RPS6KA5: variants seen among roughly 807,000 people sequenced by gnomAD.
RPS6KA5 encodes ribosomal protein S6 kinase alpha-5.
In RPS6KA5, 27 loss-of-function variants were observed where a neutral mutation model predicts 85.5. The ratio of observed to expected loss-of-function variants is 0.32; its 90% confidence interval spans 0.23 to 0.44. The LOEUF (loss-of-function observed/expected upper bound fraction) is 0.44. RPS6KA5 is among the 20% of genes least tolerant of loss of function. The pLI is 1.00. For missense variants in RPS6KA5, 811 were observed against 980.9 expected, an observed-to-expected ratio of 0.83 and a Z score of 2.31; for synonymous variants, 334 against 348.2, an observed-to-expected ratio of 0.96 and a Z score of 0.46.
At position 90,857,595 on chromosome 14, in the gene RPS6KA5, A is replaced by C. The variant is rs1214987541; in HGVS notation, c.*14479T>G. 2 of 152,226 alleles carry C rather than the reference A, an allele frequency of 1.3e-5. No individual in the cohort carries two copies. The highest frequency in any genetic ancestry group is 4.8e-5 in the African/African-American group (2 of 41,460). The allele number at this position is 152,226 out of a possible 1,614,324, so 9.4% of individuals were successfully genotyped here. ...TCATAGTTAGGGAATTGGGCTTGCA[A>C]AAGGTAGGCCAAATATTGATGTAGT... On this transcript the variant is annotated 3_prime_UTR_variant, in exon 17 of 17. Coordinates refer to ENST00000614987, the MANE Select transcript of RPS6KA5 (RefSeq NM_004755.4).
At position 90,880,724 on chromosome 14, in the gene RPS6KA5, C is replaced by A. The variant is rs186897132; in HGVS notation, c.1837-5364G>T. On this transcript the variant is annotated intron_variant, in intron 14 of 16. Coordinates refer to ENST00000614987, the MANE Select transcript of RPS6KA5 (RefSeq NM_004755.4). The stretch of plus-strand genomic sequence containing the variant: ...GTCAGTTTTTGCTTCATGTACTTTA[C>A]TGGTCTACATTAGGTGTACAAGTGT... Among the ~76,000 whole-genome samples, 159 of 152,120 alleles carry A rather than the reference C, an allele frequency of 1.0e-3. 2 individuals carry two copies. The highest frequency in any genetic ancestry group is 4.2e-3 in the Admixed American group (64 of 15,278).
Position 90,869,683 on chromosome 14 carries a change from A to T in RPS6KA5, c.*2391T>A, listed in dbSNP as rs1420496202. 2 of 152,164 alleles carry T rather than the reference A, an allele frequency of 1.3e-5. No individual in the cohort carries two copies. Among genetic ancestry groups the T allele is most frequent in the African/African-American group, 4.8e-5 (2 of 41,446 alleles). 9.4% of individuals were successfully genotyped at this position (152,164 alleles called of 1,614,324 possible). A position where few individuals can be genotyped will look rare whatever the true frequency, so the allele number is the denominator to read the frequency against. On this transcript the variant is annotated 3_prime_UTR_variant, in exon 17 of 17. Coordinates refer to ENST00000614987, the MANE Select transcript of RPS6KA5 (RefSeq NM_004755.4). ...ACTTTTTATATATTTTGTAGTGTTT[A>T]TTTTTGATGTGACCAAATGAAAGCT...
At position 90,958,672 on chromosome 14, in the gene RPS6KA5, T is replaced by C. The variant is rs1057224084; in HGVS notation, c.395-11122A>G. ...TATTCAACAGATATCTGAGCTCTTA[T>C]TATGCATCAGCCTCTCTTCTAGGCA... On this transcript the variant is annotated intron_variant, in intron 3 of 16. Coordinates refer to ENST00000614987, the MANE Select transcript of RPS6KA5 (RefSeq NM_004755.4). Among the ~76,000 whole-genome samples the C allele has an allele frequency of 1.1e-4, 16 of 152,304 alleles. 1 individual carries two copies. Among genetic ancestry groups the C allele is most frequent in the Non-Finnish European group, 1.6e-4 (11 of 68,020 alleles).
intron 1 of RPS6KA5, among the ~76,000 whole-genome samples, chr14:91,003,361 G>C (rs2040868107): frequency 6.6e-6 from 1 of 152,112 alleles, no homozygotes. Context: ...GAAATTAAAA[G>C]AGGTTATAAA....
chr14:90,877,139 T>A (rs574830486), intron 14 of RPS6KA5, among the ~76,000 whole-genome samples: 1 of 152,274 alleles, frequency 6.6e-6, no homozygotes, highest in South Asian at 2.1e-4. Context: ...CTAGAAGGCT[T>A]TGGACAAGTT....
chr14:90,930,211 G>A (rs1357067510), intron 5 of RPS6KA5, among the ~76,000 whole-genome samples: 2 of 152,140 alleles, frequency 1.3e-5, no homozygotes, highest in African/African-American at 2.4e-5. Context: ...GATACAGAGC[G>A]AGGCAAACAG....
chr14:90,938,988 T>G (rs570800643), intron 5 of RPS6KA5, among the ~76,000 whole-genome samples: 1 of 152,260 alleles, frequency 6.6e-6, no homozygotes, highest in Non-Finnish European at 1.5e-5. Context: ...TCTTTTCTAG[T>G]GCATTGTCAG....
rs2033023559 is a variant in RPS6KA5 at position 90,870,407 on chromosome 14, A to G, written c.*1667T>C. The G allele has an allele frequency of 6.6e-6, 1 of 152,216 alleles. No individual in the cohort carries two copies. Among genetic ancestry groups the G allele is most frequent in the African/African-American group, 2.4e-5 (1 of 41,472 alleles). 9.4% of individuals were successfully genotyped at this position (152,216 alleles called of 1,614,324 possible). A position where few individuals can be genotyped will look rare whatever the true frequency, so the allele number is the denominator to read the frequency against. The stretch of plus-strand genomic sequence containing the variant: ...CATTTGGGCCAGCAAAAAGTGTAAA[A>G]TATTATTCCCAATAACCACTGTGGA... On this transcript the variant is annotated 3_prime_UTR_variant, in exon 17 of 17. Coordinates refer to ENST00000614987, the MANE Select transcript of RPS6KA5 (RefSeq NM_004755.4).
At chr14:90,949,783 T>C (rs1000466315) in intron 3 of RPS6KA5, among the ~76,000 whole-genome samples, 5 of 152,212 alleles carry the variant, frequency 3.3e-5, no homozygotes, top group African/African-American at 1.2e-4. Flanking sequence ...TTATGAATTA[T>C]TGTTACTTGG....
rs1015981207 is a variant in RPS6KA5, at chr14:90,854,887, C to A, written c.*17187G>T. On this transcript the variant is annotated 3_prime_UTR_variant, in exon 17 of 17. Transcript: ENST00000614987. ...TACCATTCAAAACATATAAAAAGCA[C>A]TGACTTTATTGTACTGCAATATAAA... 1 of 152,162 alleles carries A rather than the reference C, an allele frequency of 6.6e-6. No individual in the cohort carries two copies. Among genetic ancestry groups the A allele is most frequent in the African/African-American group, 2.4e-5 (1 of 41,448 alleles). 9.4% of individuals were successfully genotyped at this position (152,162 alleles called of 1,614,324 possible).
chr14:90,944,417 A>G (rs2037758383), intron 4 of RPS6KA5, among the ~76,000 whole-genome samples: 1 of 151,072 alleles, frequency 6.6e-6, no homozygotes, highest in Non-Finnish European at 1.5e-5. Context: ...GGAGTTCAAG[A>G]CTAGCCTGGG....
chr14:90,952,280 CA>C (rs550971882), intron 3 of RPS6KA5, among the ~76,000 whole-genome samples: 16 of 152,246 alleles, frequency 1.1e-4, no homozygotes, highest in Non-Finnish European at 2.4e-4. Context: ...GTCATTTATA[CA>C]CTTGTATTAA....
intron 5 of RPS6KA5, among the ~76,000 whole-genome samples, chr14:90,938,702 G>A (rs1428152000): frequency 6.6e-6 from 1 of 152,210 alleles, no homozygotes; most frequent in African/African-American, 2.4e-5. Context: ...GCAACAGCCT[G>A]AGCTGTACCT....
intron 1 of RPS6KA5, among the ~76,000 whole-genome samples, chr14:91,031,528 A>AGAGTTCCACAAAGGACT (rs1182049970): frequency 1.3e-5 from 2 of 152,200 alleles, no homozygotes; most frequent in Non-Finnish European, 2.9e-5. Flanking sequence ...GAGACGGAAC[A>AGAGTTCCACAAAGGACT]GAGTTCCACA....
intron 1 of RPS6KA5, among the ~76,000 whole-genome samples, chr14:91,055,631 G>A (rs1426580165): frequency 6.6e-6 from 1 of 152,114 alleles, no homozygotes; most frequent in African/African-American, 2.4e-5. Context: ...TAATAAATTA[G>A]CCAGGTGTGG....
intron 5 of RPS6KA5, among the ~76,000 whole-genome samples, chr14:90,932,726 T>A (rs1406549194): frequency 6.6e-6 from 1 of 152,190 alleles, no homozygotes; most frequent in African/African-American, 2.4e-5. Context: ...CGTTAAGCAC[T>A]AGTAGCATGA....
At chr14:91,021,881 T>C (rs2041796676) in intron 1 of RPS6KA5, among the ~76,000 whole-genome samples, 1 of 152,214 alleles carries the variant, frequency 6.6e-6, no homozygotes, top group African/African-American at 2.4e-5. Flanking sequence ...CTTGATTCCT[T>C]TTAATGGGAA....
rs538122531 is a variant in RPS6KA5, at chr14:90,859,030, C to T, written c.*13044G>A. ...CAAAAAGCAGCAGATGAGAGGCTAA[C>T]GAGCTGAGCAGCTCTTAGTACTGAG... is the stretch of plus-strand genomic sequence containing the variant. On this transcript the variant is annotated 3_prime_UTR_variant, in exon 17 of 17. Transcript: ENST00000614987. 2.0e-5 allele frequency: 3 copies of T among 152,280 alleles called. No individual in the cohort carries two copies. Among genetic ancestry groups the T allele is most frequent in the East Asian group, 3.9e-4 (2 of 5,182 alleles). 9.4% of individuals were successfully genotyped at this position (152,280 alleles called of 1,614,324 possible). A position where few individuals can be genotyped will look rare whatever the true frequency, so the allele number is the denominator to read the frequency against.
At chr14:91,059,112 G>A (rs1480051615) in intron 1 of RPS6KA5, among the ~76,000 whole-genome samples, 1 of 152,118 alleles carries the variant, frequency 6.6e-6, no homozygotes, top group Non-Finnish European at 1.5e-5. Context: ...CGGATCACTT[G>A]AGGTCGGGAG....
Sources: gnomAD v4.1 joint callset for allele counts (sites outside exome capture counted in the v4.1 genomes callset) on GRCh38, gnomAD v4.1.1 for gene constraint, MANE v1.5 for transcripts, NCBI Gene and HGNC (gene_info 2026-07-23, HGNC 2026-07-21) for gene names.